Variants in ERC2 observed in about 807,000 individuals in gnomAD.
ERC2 encodes the protein ELKS/RAB6-interacting/CAST family member 2.
ERC2 carries 42 observed loss-of-function variants against 114.8 expected under a neutral mutation model. That is an observed-to-expected ratio of 0.37 (90% confidence interval 0.29 to 0.47). The LOEUF is 0.47. ERC2 is among the 20% of genes least tolerant of loss of function. ERC2 has a pLI of 0.99. For missense variants in ERC2, 939 were observed against 1,150.7 expected, an observed-to-expected ratio of 0.82 and a Z score of 2.66; for synonymous variants, 454 against 425.5, an observed-to-expected ratio of 1.07 and a Z score of -0.82.
chr3:56,140,683 T>A (rs1048223307), intron 5 of ERC2, among the ~76,000 whole-genome samples: 1 of 152,202 alleles, frequency 6.6e-6, no homozygotes. Context: ...TTCTCAAGTG[T>A]CTATCTAAGA....
chr3:55,640,654 TGAGAGGG>T (rs2060138989), intron 17 of ERC2, among the ~76,000 whole-genome samples: 1 of 152,104 alleles, frequency 6.6e-6, no homozygotes, highest in African/African-American at 2.4e-5. Context: ...GAACATTGAA[TGAGAGGG>T]GACAGAAGAC....
At chr3:55,757,654 G>T (rs1163167454) in intron 14 of ERC2, among the ~76,000 whole-genome samples, 1 of 152,128 alleles carries the variant, frequency 6.6e-6, no homozygotes, top group Non-Finnish European at 1.5e-5. Flanking sequence ...GCTTAACACA[G>T]TGCTTGACAC....
chr3:56,255,490 C>T (rs1576111892), intron 3 of ERC2, among the ~76,000 whole-genome samples: 1 of 152,164 alleles, frequency 6.6e-6, no homozygotes, highest in South Asian at 2.1e-4. Context: ...ATGCAAGAGG[C>T]CTATTGAATG....
chr3:55,729,837 C>CAAAAAAAA (rs71096498), intron 15 of ERC2, among the ~76,000 whole-genome samples: 7,264 of 61,540 alleles, frequency 0.12, 2,181 homozygotes, highest in South Asian at 0.21. Context: ...GACTCTATCG[C>CAAAAAAAA]AAAAAAAAAA....
At chr3:55,515,554 C>CT (rs34992425) in intron 17 of ERC2, among the ~76,000 whole-genome samples, 52,732 of 144,806 alleles carry the variant, frequency 0.36, 10,429 homozygotes, top group Non-Finnish European at 0.47. Flanking sequence ...CTCCTTCAGA[C>CT]TTTTTTTTTT....
At chr3:56,457,457 T>C (rs1182930107) in intron 1 of ERC2, among the ~76,000 whole-genome samples, 1 of 152,168 alleles carries the variant, frequency 6.6e-6, no homozygotes, top group Non-Finnish European at 1.5e-5. Context: ...CCACCCTCTC[T>C]TCCCAATGTC....
chr3:56,242,728 T>TA (rs1560446141), intron 3 of ERC2, among the ~76,000 whole-genome samples: 1 of 151,290 alleles, frequency 6.6e-6, no homozygotes, highest in South Asian at 2.1e-4. Flanking sequence ...AAGGAGGAAT[T>TA]AAAAAAAAGA....
intron 2 of ERC2, among the ~76,000 whole-genome samples, chr3:56,363,860 AGAAAGG>A (rs112669033): frequency 5.0e-4 from 75 of 149,162 alleles, no homozygotes; most frequent in East Asian, 3.4e-3. Context: ...GAAGGGAAAA[AGAAAGG>A]GAAAGGGAAA....
chr3:56,446,483 C>A (rs1016800274), intron 1 of ERC2, among the ~76,000 whole-genome samples: 1 of 152,010 alleles, frequency 6.6e-6, no homozygotes. Flanking sequence ...GGTTCCCCAC[C>A]GGCAGATGCT....
rs192493950 is a variant in ERC2, at chr3:56,415,194, C to G, written c.657+19157G>C. ...GGCCTTAGCTCTGTATATATTTGTA[C>G]CTTTCATTCAACAACTGTATACTAA... On this transcript the variant is annotated intron_variant, in intron 2 of 17. Transcript: ENST00000288221. 2.0e-3 allele frequency among the ~76,000 whole-genome samples: 298 copies of G among 152,232 alleles called. 1 individual carries two copies. Among genetic ancestry groups the G allele is most frequent in the Middle Eastern group, 6.8e-3 (2 of 292 alleles).
At chr3:56,224,125 C>T (rs1391799630) in intron 3 of ERC2, among the ~76,000 whole-genome samples, 1 of 152,164 alleles carries the variant, frequency 6.6e-6, no homozygotes, top group Admixed American at 6.5e-5. Context: ...TTAGCACAGC[C>T]AAAGGCTGGC....
At chr3:55,538,947 T>C (rs992288066) in intron 17 of ERC2, among the ~76,000 whole-genome samples, 10 of 152,212 alleles carry the variant, frequency 6.6e-5, no homozygotes, top group Non-Finnish European at 1.3e-4. Flanking sequence ...TTTTGAAAGA[T>C]CCACACAATT....
At chr3:56,028,388 G>C (rs899438742) in intron 7 of ERC2, among the ~76,000 whole-genome samples, 1 of 152,100 alleles carries the variant, frequency 6.6e-6, no homozygotes, top group South Asian at 2.1e-4. Flanking sequence ...AGCACTATTT[G>C]AGCAGAATTG....
intron 15 of ERC2, among the ~76,000 whole-genome samples, chr3:55,720,651 G>C (rs189081727): frequency 3.7e-4 from 57 of 152,190 alleles, no homozygotes; most frequent in Admixed American, 3.5e-3. Flanking sequence ...AGATAAATGA[G>C]TACCTGGCTC....
At chr3:55,799,680 C>A (rs1027394914) in intron 14 of ERC2, among the ~76,000 whole-genome samples, 1 of 151,798 alleles carries the variant, frequency 6.6e-6, no homozygotes, top group Non-Finnish European at 1.5e-5. Context: ...GCCATCTCTC[C>A]CATAGTAAGG....
At chr3:56,376,996 T>C (rs1478379823) in intron 2 of ERC2, among the ~76,000 whole-genome samples, 1 of 152,164 alleles carries the variant, frequency 6.6e-6, no homozygotes, top group Non-Finnish European at 1.5e-5. Context: ...ATAATGGTCC[T>C]TCAGTGCTCC....
At chr3:56,136,484 A>G (rs540872888) in intron 6 of ERC2, among the ~76,000 whole-genome samples, 12 of 152,222 alleles carry the variant, frequency 7.9e-5, no homozygotes, top group Non-Finnish European at 1.5e-4. Flanking sequence ...TTGTATAGGT[A>G]AATTGTGTTT....
At chr3:56,056,104 G>A (rs1168616425) in intron 7 of ERC2, among the ~76,000 whole-genome samples, 3 of 152,200 alleles carry the variant, frequency 2.0e-5, no homozygotes, top group Non-Finnish European at 4.4e-5. Flanking sequence ...AATGTTTACT[G>A]AGTGATGTCC....
At chr3:55,727,400 A>G (rs2064988676) in intron 15 of ERC2, among the ~76,000 whole-genome samples, 3 of 152,216 alleles carry the variant, frequency 2.0e-5, no homozygotes, top group Admixed American at 6.5e-5. Flanking sequence ...AGTGAAAGGA[A>G]TACAAAAGTT....
Sources: allele counts gnomAD v4.1 joint callset (sites outside exome capture counted in the v4.1 genomes callset), GRCh38; gene constraint gnomAD v4.1.1; transcripts MANE v1.5; gene names NCBI Gene and HGNC (gene_info 2026-07-23, HGNC 2026-07-21).